HSPA13: variants seen among roughly 807,000 people sequenced by gnomAD.
HSPA13 encodes the protein heat shock 70 kDa protein 13.
Under a neutral mutation model 38.8 loss-of-function variants are expected in HSPA13, and 29 were observed. The observed-to-expected ratio is 0.75, with a 90% CI of 0.56 to 1.02. HSPA13 has a LOEUF of 1.02. HSPA13 is among the 50% of genes least tolerant of loss of function. The pLI, the probability that HSPA13 is intolerant of heterozygous loss-of-function variation, is 0.00. For synonymous variants in HSPA13, 192 were observed against 205.3 expected, an observed-to-expected ratio of 0.94 and a Z score of 0.56; for missense variants, 451 against 560.9, an observed-to-expected ratio of 0.80 and a Z score of 1.98.
chr21:14,375,780 G>A lies in HSPA13; in HGVS notation c.620C>T (p.Ala207Val). ...CTTGTGGAGACCATAGGCCATAGCT[G>A]CTGCTGTGGGTTCATTTATTACCCT... ...ILRVINEPTAAAMAYGLHKAD... is the reference protein window; with the variant it reads ...ILRVINEPTAVAMAYGLHKAD... Residue 207 changes from alanine to valine, a missense_variant, in exon 4 of 5, where the codon GCA becomes GTA. Ala to Val is a moderately conservative substitution (Grantham distance 64, BLOSUM62 0). Transcript: ENST00000285667. The A allele has an allele frequency of 1.2e-6, 2 of 1,613,956 alleles. No homozygotes were observed. The highest frequency in any genetic ancestry group is 1.7e-6 in the Non-Finnish European group (2 of 1,179,906).
At position 14,373,858 on chromosome 21, in the gene HSPA13, C is replaced by T. The variant is rs1345930536; in HGVS notation, c.1175G>A (p.Gly392Asp). Reference sequence around the variant, plus strand: ...ATCAATCTCAGTCTTTTCCAGGTGGCCTTCTTTCAATACTTGCTGAATGGG... The same window carrying T: ...ATCAATCTCAGTCTTTTCCAGGTGGTCTTCTTTCAATACTTGCTGAATGGG... ...LVPIQQVLKE[G>D]HLEKTEIDEV... Residue 392 changes from glycine to aspartate, a missense_variant, in exon 5 of 5, where the codon GGC becomes GAC. By Grantham distance (94) the Gly-to-Asp change is moderately conservative. Transcript: ENST00000285667. 6.2e-7 allele frequency: 1 copy of T among 1,614,162 alleles called. No individual in the cohort carries two copies. The highest frequency in any genetic ancestry group is 8.5e-7 in the Non-Finnish European group (1 of 1,180,000).
intron 3 of HSPA13, 64 bp downstream of exon 3, chr21:14,378,135 T>A: frequency 1.6e-6 from 2 of 1,234,970 alleles, no homozygotes; most frequent in Non-Finnish European, 2.4e-6. Context: ...TAAACCTTAC[T>A]ACAGAAGGTT....
intron 2 of HSPA13, among the ~76,000 whole-genome samples, chr21:14,380,599 A>T (rs565848985): frequency 6.6e-6 from 1 of 152,264 alleles, no homozygotes; most frequent in African/African-American, 2.4e-5. Flanking sequence ...AATAAATCAA[A>T]AGCCTTAAAA....
chr21:14,383,128 C>T lies in HSPA13; in HGVS notation c.-9G>A. Reference sequence around the variant, plus strand: ...GTCATCTCTCTGGCCATCACAGTCCCGCCGAACAGGCTTGTGATGACTGTA... The same window carrying T: ...GTCATCTCTCTGGCCATCACAGTCCTGCCGAACAGGCTTGTGATGACTGTA... On this transcript the variant is annotated 5_prime_UTR_variant, in exon 1 of 5. Coordinates refer to ENST00000285667, the MANE Select transcript of HSPA13 (RefSeq NM_006948.5). 2 of 1,614,116 alleles carry T rather than the reference C, an allele frequency of 1.2e-6. No individual in the cohort carries two copies. Among genetic ancestry groups the T allele is most frequent in the African/African-American group, 1.3e-5 (1 of 75,050 alleles).
rs1205019423 is a variant in HSPA13 at position 14,378,365 on chromosome 21, C to G, written c.414G>C (p.Glu138Asp). 1.2e-6 allele frequency: 2 copies of G among 1,613,986 alleles called. No individual in the cohort carries two copies. The highest frequency in any genetic ancestry group is 2.7e-5 in the African/African-American group (2 of 74,918). ...GMVEFSVTSN[E>D]TITVSPEYVG... ...CATATTCTGGGGACACTGTGATGGT[C>G]TCATTACTTGTCACAGAAAACTCAA... The change falls in exon 3 of 5, where the codon GAG becomes GAC. Residue 138 changes from glutamate to aspartate, a missense_variant. Glu to Asp is a conservative substitution (Grantham distance 45). Transcript: ENST00000285667.
intron 2 of HSPA13, among the ~76,000 whole-genome samples, chr21:14,379,347 A>G (rs926949979): frequency 2.6e-5 from 4 of 152,208 alleles, no homozygotes; most frequent in Non-Finnish European, 5.9e-5. Flanking sequence ...AAAGAGAATT[A>G]ATCTAAGAAA....
chr21:14,371,348 T>C lies in HSPA13; in HGVS notation c.*2269A>G, dbSNP rs894272138. 1 of 152,602 alleles carries C rather than the reference T, an allele frequency of 6.6e-6. No individual in the cohort carries two copies. The highest frequency in any genetic ancestry group is 2.4e-5 in the African/African-American group (1 of 41,462). 9.5% of individuals were successfully genotyped at this position (152,602 alleles called of 1,614,324 possible). On this transcript the variant is annotated 3_prime_UTR_variant, in exon 5 of 5. Transcript: ENST00000285667. ...TTCTAATCATACAAGACACTTAATATTTTAAAAGTTACATACTTCAAATAA... is the reference window on the plus strand; with the variant it reads ...TTCTAATCATACAAGACACTTAATACTTTAAAAGTTACATACTTCAAATAA...
Position 14,375,599 on chromosome 21 carries a change from T to C in HSPA13, c.748+53A>G. On this transcript the variant is annotated intron_variant, in intron 4 of 4. Coordinates refer to ENST00000285667, the MANE Select transcript of HSPA13 (RefSeq NM_006948.5). ...CACCCGCCTCGGCCTCCCAAAGTGCTGGGATTACAGGCGTGAGCCACTGCG... is the reference window on the plus strand; with the variant it reads ...CACCCGCCTCGGCCTCCCAAAGTGCCGGGATTACAGGCGTGAGCCACTGCG... 13 of 1,531,950 alleles carry C rather than the reference T, an allele frequency of 8.5e-6. 1 individual carries two copies. In the South Asian group the frequency reaches 1.1e-4, roughly 13 times the overall value. 94.9% of individuals were successfully genotyped at this position (1,531,950 alleles called of 1,614,324 possible). A position where few individuals can be genotyped will look rare whatever the true frequency, so the allele number is the denominator to read the frequency against.
chr21:14,382,884 C>G (rs17274128), intron 1 of HSPA13, among the ~76,000 whole-genome samples: 1 of 151,974 alleles, frequency 6.6e-6, no homozygotes, highest in Non-Finnish European at 1.5e-5. Flanking sequence ...GCCGTCTATC[C>G]TACCTTGGCC....
At chr21:14,374,993 G>A (rs568286785) in intron 4 of HSPA13, among the ~76,000 whole-genome samples, 1 of 152,236 alleles carries the variant, frequency 6.6e-6, no homozygotes, top group East Asian at 1.9e-4. Flanking sequence ...AAATGCAGAG[G>A]TTAGAATACC....
At chr21:14,378,158 C>T (rs1568722826) in intron 3 of HSPA13, 41 bp downstream of exon 3, 1 of 1,520,886 alleles carries the variant, frequency 6.6e-7, no homozygotes, top group South Asian at 1.1e-5. Flanking sequence ...CAACCCAACA[C>T]AATTTTGAGA....
In HSPA13 at chr21:14,371,529, T is replaced by C. The variant is rs1982827509; in HGVS notation, c.*2088A>G. The stretch of plus-strand genomic sequence containing the variant: ...TTATAAATAGCCCACTAAAATATGA[T>C]TGAAGACATTCCTTCATTTTATTAA... On this transcript the variant is annotated 3_prime_UTR_variant, in exon 5 of 5. Transcript: ENST00000285667. The C allele has an allele frequency of 6.6e-6, 1 of 152,138 alleles. No individual in the cohort carries two copies. Among genetic ancestry groups the C allele is most frequent in the Non-Finnish European group, 1.5e-5 (1 of 67,968 alleles). The allele number at this position is 152,138 out of a possible 1,614,324, so 9.4% of individuals were successfully genotyped here. A position where few individuals can be genotyped will look rare whatever the true frequency, so the allele number is the denominator to read the frequency against.
At position 14,372,574 on chromosome 21, in the gene HSPA13, AAATAAT is replaced by A. The variant is rs1381294136; in HGVS notation, c.*1037_*1042del. On this transcript the variant is annotated 3_prime_UTR_variant, in exon 5 of 5. Transcript: ENST00000285667. Reference sequence around the variant, plus strand: ...AAAGAGTCCAAGTGTGATTATTTAAAAATAATAATAGAAAACAATAACACAGCTTTT... The same window carrying A: ...AAAGAGTCCAAGTGTGATTATTTAAAAATAGAAAACAATAACACAGCTTTT... The A allele has an allele frequency of 6.6e-6, 1 of 152,168 alleles. No homozygotes were observed. Among genetic ancestry groups the A allele is most frequent in the Non-Finnish European group, 1.5e-5 (1 of 67,984 alleles). The allele number at this position is 152,168 out of a possible 1,614,324, so 9.4% of individuals were successfully genotyped here.
At chr21:14,380,786 C>A (rs1020944979) in intron 2 of HSPA13, among the ~76,000 whole-genome samples, 5 of 152,126 alleles carry the variant, frequency 3.3e-5, no homozygotes, top group Non-Finnish European at 7.4e-5. Flanking sequence ...TCCACAAAAT[C>A]ATTAAAGATA....
chr21:14,376,025 T>A (rs1984011774), intron 3 of HSPA13, among the ~76,000 whole-genome samples: 2 of 152,214 alleles, frequency 1.3e-5, no homozygotes, highest in South Asian at 4.1e-4. Context: ...TCTGAAAGAT[T>A]ACAATATAAA....
intron 2 of HSPA13, among the ~76,000 whole-genome samples, chr21:14,379,302 C>T (rs972615299): frequency 1.3e-5 from 2 of 151,994 alleles, no homozygotes; most frequent in Admixed American, 6.6e-5. Context: ...AAAATACTAT[C>T]CTAGTTTTAC....
intron 3 of HSPA13, 150 bp downstream of exon 3, chr21:14,378,049 G>T: frequency 1.6e-6 from 1 of 624,878 alleles, no homozygotes; most frequent in South Asian, 1.9e-5. Flanking sequence ...TATCAGTCCT[G>T]TCCCTCTAGA....
chr21:14,376,374 C>T (rs1476620791), intron 3 of HSPA13, among the ~76,000 whole-genome samples: 1 of 152,060 alleles, frequency 6.6e-6, no homozygotes, highest in Non-Finnish European at 1.5e-5. Flanking sequence ...GATCGCGCCA[C>T]TGTACTCCAG....
chr21:14,377,388 T>A (rs1271299536), intron 3 of HSPA13, among the ~76,000 whole-genome samples: 1 of 152,264 alleles, frequency 6.6e-6, no homozygotes, highest in African/African-American at 2.4e-5. Flanking sequence ...AAAGAATTCC[T>A]CACTGCTAAC....
Sources: allele counts gnomAD v4.1 joint callset (sites outside exome capture counted in the v4.1 genomes callset), GRCh38; gene constraint gnomAD v4.1.1; transcripts MANE v1.5; gene names NCBI Gene and HGNC (gene_info 2026-07-23, HGNC 2026-07-21).